The following ZNF484 variants were observed in gnomAD, a reference collection of about 807,000 sequenced individuals.
ZNF484 encodes the protein zinc finger protein 484, also known as KRAB box containing C2H2 type zinc finger bA526D8.4.
A neutral mutation model predicts 12.9 loss-of-function variants in ZNF484; 11 were observed. That is an observed-to-expected ratio of 0.85 (90% CI 0.54 to 1.41). The LOEUF is 1.41. Among genes scored for constraint, ZNF484 ranks in the 40% most tolerant of loss-of-function variants. The pLI is 0.00. For synonymous variants in ZNF484, 289 were observed against 334.1 expected (o/e 0.86, Z 1.47); for missense variants, 807 against 1,007.7 (o/e 0.80, Z 2.70).
rs1183726392 is a variant in ZNF484 at position 92,855,906 on chromosome 9, G to A, written c.143-3C>T. The A allele has an allele frequency of 6.2e-7, 1 of 1,613,894 alleles. No individual in the cohort carries two copies. Among genetic ancestry groups the A allele is most frequent in the Non-Finnish European group, 8.5e-7 (1 of 1,179,900 alleles). The stretch of plus-strand genomic sequence containing the variant: ...TTCTGGTTTGGGAACTTGACATCCT[G>A]TTAACAGGGGATGATAGAGGACTTG... On this transcript the variant is annotated splice_polypyrimidine_tract_variant and splice_region_variant and intron_variant, in intron 3 of 4. Transcript: ENST00000375495.
At chr9:92,874,907 T>C in intron 2 of ZNF484, 108 bp downstream of exon 2, 5 of 1,083,978 alleles carry the variant, frequency 4.6e-6, no homozygotes, top group Non-Finnish European at 5.3e-6. Context: ...TCTTAGTTTT[T>C]ATTTATTTAG....
intron 2 of ZNF484, among the ~76,000 whole-genome samples, chr9:92,868,356 A>C (rs1055473360): frequency 1.1e-4 from 16 of 152,196 alleles, no homozygotes; most frequent in Admixed American, 7.9e-4. Context: ...TGTAATCTAG[A>C]GCCAACGGCC....
chr9:92,855,778 T>C, intron 4 of ZNF484, 33 bp downstream of exon 4: 3 of 1,600,308 alleles, frequency 1.9e-6, no homozygotes, highest in Non-Finnish European at 2.6e-6. Context: ...AGCTGAGTCA[T>C]ACTGTCTACC....
chr9:92,848,607 G>A lies in ZNF484; in HGVS notation c.236-56C>T. The A allele has an allele frequency of 3.4e-6, 5 of 1,469,814 alleles. No individual in the cohort carries two copies. Among genetic ancestry groups the A allele is most frequent in the Non-Finnish European group, 4.5e-6 (5 of 1,116,188 alleles). The allele number at this position is 1,469,814 out of a possible 1,614,324, so 91.0% of individuals were successfully genotyped here. A position where few individuals can be genotyped will look rare whatever the true frequency, so the allele number is the denominator to read the frequency against. On this transcript the variant is annotated intron_variant, in intron 4 of 4. Coordinates refer to ENST00000375495, the MANE Select transcript of ZNF484 (RefSeq NM_031486.4). The surrounding 1 kb of genome is among the most constrained non-coding windows in gnomAD (Gnocchi z 4.1). The stretch of plus-strand genomic sequence containing the variant: ...AAAAGAACAATTAACAGAAAATAAG[G>A]CCAGGTGCGGTGGCTCATGCCTGTA...
intron 2 of ZNF484, among the ~76,000 whole-genome samples, chr9:92,862,343 A>G (rs1856828431): frequency 6.6e-6 from 1 of 151,982 alleles, no homozygotes; most frequent in Non-Finnish European, 1.5e-5. Flanking sequence ...ACTTACAACA[A>G]CTTTCTAAGA....
intron 2 of ZNF484, among the ~76,000 whole-genome samples, chr9:92,869,908 A>G (rs1211700729): frequency 6.6e-6 from 1 of 152,252 alleles, no homozygotes; most frequent in Non-Finnish European, 1.5e-5. Flanking sequence ...ATGACATTCA[A>G]AATGAAATAC....
chr9:92,868,362 C>T (rs947579329), intron 2 of ZNF484, among the ~76,000 whole-genome samples: 2 of 152,144 alleles, frequency 1.3e-5, no homozygotes, highest in South Asian at 2.1e-4. Context: ...CTAGAGCCAA[C>T]GGCCTGGGTC....
intron 1 of ZNF484, among the ~76,000 whole-genome samples, chr9:92,876,491 G>GGATA (rs1422730310): frequency 6.6e-6 from 1 of 151,916 alleles, no homozygotes; most frequent in Non-Finnish European, 1.5e-5. Flanking sequence ...GAGACAAATA[G>GGATA]GATACAAAAT....
intron 1 of ZNF484, among the ~76,000 whole-genome samples, chr9:92,876,727 C>T (rs1857838620): frequency 6.6e-6 from 1 of 152,072 alleles, no homozygotes; most frequent in Non-Finnish European, 1.5e-5. Flanking sequence ...TATGTATGCC[C>T]ATCCCTCAGA....
intron 2 of ZNF484, among the ~76,000 whole-genome samples, chr9:92,866,706 G>A (rs1378750759): frequency 6.6e-6 from 1 of 152,180 alleles, no homozygotes; most frequent in Non-Finnish European, 1.5e-5. Context: ...GTTTACTGCA[G>A]CACTATTTAC....
chr9:92,849,800 C>T (rs1167933405), intron 4 of ZNF484, among the ~76,000 whole-genome samples: 1 of 144,676 alleles, frequency 6.9e-6, no homozygotes, highest in African/African-American at 2.5e-5. Flanking sequence ...CTCTCTCTCT[C>T]TTTTTTTTTT....
At chr9:92,874,423 T>G (rs752534066) in intron 2 of ZNF484, among the ~76,000 whole-genome samples, 1 of 151,864 alleles carries the variant, frequency 6.6e-6, no homozygotes, top group Non-Finnish European at 1.5e-5. Context: ...GCAATTCTCC[T>G]GCCTCAGCCT....
intron 2 of ZNF484, among the ~76,000 whole-genome samples, chr9:92,868,472 T>C (rs1189317799): frequency 6.6e-6 from 1 of 152,214 alleles, no homozygotes; most frequent in African/African-American, 2.4e-5. Flanking sequence ...ATAATGATTA[T>C]AGATAGCTGT....
Position 92,848,312 on chromosome 9 carries a change from C to T in ZNF484, c.475G>A (p.Gly159Arg), listed in dbSNP as rs780511995. 3.8e-5 allele frequency: 62 copies of T among 1,613,972 alleles called. No homozygotes were observed. Among genetic ancestry groups the T allele is most frequent in the Non-Finnish European group, 5.2e-5 (61 of 1,180,030 alleles). Residue 159 changes from glycine (G) to arginine (R), a missense_variant, in exon 5 of 5, where the codon GGG becomes AGG. Physicochemically the swap from Gly to Arg is moderately radical, Grantham distance 125 (BLOSUM62 -2). Coordinates refer to ENST00000375495, the MANE Select transcript of ZNF484 (RefSeq NM_031486.4). The surrounding 1 kb of genome is among the most constrained non-coding windows in gnomAD (Gnocchi z 4.1). ...NDSIFEYKDI[G>R]EIVHVNTHLV... Reference sequence around the variant, plus strand: ...TGTGTGTTTACATGAACTATTTCCCCAATGTCCTTATATTCAAAGATGCTG... The same window carrying T: ...TGTGTGTTTACATGAACTATTTCCCTAATGTCCTTATATTCAAAGATGCTG...
chr9:92,850,452 C>T (rs1554717779), intron 4 of ZNF484, among the ~76,000 whole-genome samples: 1 of 152,166 alleles, frequency 6.6e-6, no homozygotes, highest in Non-Finnish European at 1.5e-5. Flanking sequence ...TTTATGTTTA[C>T]AGTAAAATTA....
Position 92,846,386 on chromosome 9 carries a change from G to C in ZNF484, c.2401C>G (p.Gln801Glu), listed in dbSNP as rs767646840. 6.2e-7 allele frequency: 1 copy of C among 1,614,064 alleles called. No individual in the cohort carries two copies. Residue 801 changes from glutamine (Q) to glutamate (E), a missense_variant, in exon 5 of 5, where the codon CAG becomes GAG. By Grantham distance (29) the Gln-to-Glu change is conservative. Transcript: ENST00000375495. ...LIKHQKIHTKQKPYKCSDLGK... is the reference protein window; with the variant it reads ...LIKHQKIHTKEKPYKCSDLGK... ...AAGTCACTGCACTTATAGGGTTTCTGTTTAGTATGAATTTTCTGGTGTTTA... is the reference window on the plus strand; with the variant it reads ...AAGTCACTGCACTTATAGGGTTTCTCTTTAGTATGAATTTTCTGGTGTTTA...
At position 92,848,212 on chromosome 9, in the gene ZNF484, T is replaced by C; in HGVS notation, c.575A>G (p.Tyr192Cys). 4 of 1,614,162 alleles carry C rather than the reference T, an allele frequency of 2.5e-6. No individual in the cohort carries two copies. Among genetic ancestry groups the C allele is most frequent in the Non-Finnish European group, 3.4e-6 (4 of 1,180,008 alleles). The change falls in exon 5 of 5, where the codon TAT becomes TGT. Residue 192 changes from tyrosine (Y) to cysteine (C), a missense_variant. Coordinates refer to ENST00000375495, the MANE Select transcript of ZNF484 (RefSeq NM_031486.4). The surrounding 1 kb of genome is among the most constrained non-coding windows in gnomAD (Gnocchi z 4.1). ...GKNLEPIITL[Y>C]NRNNATENSD... ...ATTTTCTGTTGCATTGTTTCTATTA[T>C]ATAAGGTTATGATAGGCTCCAAATT...
rs773106112 is a variant in ZNF484, at chr9:92,848,314, A to G, written c.473T>C (p.Ile158Thr). The G allele has an allele frequency of 6.8e-6, 11 of 1,614,104 alleles. No homozygotes were observed. Among genetic ancestry groups the G allele is most frequent in the Middle Eastern group, 1.6e-4 (1 of 6,062 alleles). The change falls in exon 5 of 5, where the codon ATT (isoleucine) becomes ACT (threonine). Residue 158 changes from isoleucine (I) to threonine (T), a missense_variant. Coordinates refer to ENST00000375495, the MANE Select transcript of ZNF484 (RefSeq NM_031486.4). This position sits in a 1 kb window ranked among gnomAD's most constrained non-coding sequence, Gnocchi z 4.1. ...TGTGTTTACATGAACTATTTCCCCAATGTCCTTATATTCAAAGATGCTGTC... is the reference window on the plus strand; with the variant it reads ...TGTGTTTACATGAACTATTTCCCCAGTGTCCTTATATTCAAAGATGCTGTC... The part of the protein sequence containing the change: ...ANDSIFEYKD[I>T]GEIVHVNTHL...
In ZNF484 at chr9:92,847,977, C is replaced by G; in HGVS notation, c.810G>C (p.Glu270Asp). 6.2e-7 allele frequency: 1 copy of G among 1,614,222 alleles called. No homozygotes were observed. Among genetic ancestry groups the G allele is most frequent in the Non-Finnish European group, 8.5e-7 (1 of 1,180,032 alleles). The change falls in exon 5 of 5, where the codon GAG becomes GAC. Residue 270 changes from glutamate to aspartate, a missense_variant. Glu to Asp is a conservative substitution (Grantham distance 45). Transcript: ENST00000375495. ...FSPKSHAFAH[E>D]SICAEEKQHE... ...GCTGCTTTTCTTCAGCACAAATACT[C>G]TCATGTGCAAAGGCATGTGACTTCG...
Sources: gnomAD v4.1 joint callset for allele counts (sites outside exome capture counted in the v4.1 genomes callset) on GRCh38, gnomAD v4.1.1 for gene constraint, Gnocchi (gnomAD v3.1) non-coding constraint, MANE v1.5 for transcripts, NCBI Gene and HGNC (gene_info 2026-07-23, HGNC 2026-07-21) for gene names.